Variants in HS6ST3 observed in about 807,000 individuals in gnomAD.
HS6ST3 encodes the protein heparan sulfate 6-O-sulfotransferase 3.
A neutral mutation model predicts 36.7 loss-of-function variants in HS6ST3; 12 were observed. That is an observed-to-expected ratio of 0.33 (90% CI 0.21 to 0.53). The LOEUF is 0.53. Among genes scored for constraint, HS6ST3 ranks in the 20% least tolerant of loss-of-function variants. The probability of loss-of-function intolerance (pLI) is 0.95; values close to 1 mark genes in which losing one functional copy is unlikely to be tolerated. For missense variants in HS6ST3, 584 were observed against 640.9 expected (o/e 0.91, Z 0.96); for synonymous variants, 240 against 257.5 (o/e 0.93, Z 0.65).
intron 1 of HS6ST3, among the ~76,000 whole-genome samples, chr13:96,795,727 A>G (rs1877894906): frequency 6.6e-6 from 1 of 152,112 alleles, no homozygotes; most frequent in Non-Finnish European, 1.5e-5. Flanking sequence ...AATCCTATCT[A>G]AAGTGATGGG....
At chr13:96,300,785 T>G (rs1021916098) in intron 1 of HS6ST3, among the ~76,000 whole-genome samples, 5 of 152,174 alleles carry the variant, frequency 3.3e-5, no homozygotes. Flanking sequence ...ATTAAAAAAT[T>G]GATAAAAATG....
chr13:96,328,386 A>C (rs1173735620), intron 1 of HS6ST3, among the ~76,000 whole-genome samples: 2 of 151,884 alleles, frequency 1.3e-5, no homozygotes, highest in African/African-American at 2.4e-5. Context: ...AGTTTTTAGC[A>C]TGAAGGGTTG....
At chr13:96,654,967 T>C (rs929167754) in intron 1 of HS6ST3, among the ~76,000 whole-genome samples, 2 of 152,070 alleles carry the variant, frequency 1.3e-5, no homozygotes, top group African/African-American at 4.8e-5. Flanking sequence ...ACAAGGGCAG[T>C]GCCAATTTTT....
intron 1 of HS6ST3, among the ~76,000 whole-genome samples, chr13:96,542,155 G>T (rs1343967568): frequency 6.6e-6 from 1 of 152,136 alleles, no homozygotes; most frequent in Admixed American, 6.6e-5. Flanking sequence ...AGAAAGAGAT[G>T]GTCCCTGGCT....
At chr13:96,570,300 T>C (rs1055296861) in intron 1 of HS6ST3, among the ~76,000 whole-genome samples, 1 of 152,216 alleles carries the variant, frequency 6.6e-6, no homozygotes, top group Non-Finnish European at 1.5e-5. Flanking sequence ...CTCATACCTC[T>C]TTGCCAACTT....
chr13:96,443,825 A>G (rs1166931387), intron 1 of HS6ST3, among the ~76,000 whole-genome samples: 1 of 152,168 alleles, frequency 6.6e-6, no homozygotes, highest in African/African-American at 2.4e-5. Flanking sequence ...ATTCATTTTC[A>G]GCTTTTGGAA....
At chr13:96,218,372 T>C (rs1566291508) in intron 1 of HS6ST3, among the ~76,000 whole-genome samples, 1 of 152,170 alleles carries the variant, frequency 6.6e-6, no homozygotes, top group Non-Finnish European at 1.5e-5. Flanking sequence ...AGCCCCTTGC[T>C]GTGGTCCTCA....
At chr13:96,118,273 A>C (rs538183094) in intron 1 of HS6ST3, among the ~76,000 whole-genome samples, 2 of 152,148 alleles carry the variant, frequency 1.3e-5, no homozygotes, top group African/African-American at 4.8e-5. Context: ...TGTCCTTATA[A>C]GAAGTAGAGA....
At chr13:96,415,787 A>T (rs773414252) in intron 1 of HS6ST3, among the ~76,000 whole-genome samples, 3 of 152,204 alleles carry the variant, frequency 2.0e-5, no homozygotes, top group Non-Finnish European at 4.4e-5. Flanking sequence ...CAAAGAACGT[A>T]TTTTATAGCC....
chr13:96,645,467 A>T (rs1276342444), intron 1 of HS6ST3, among the ~76,000 whole-genome samples: 1 of 151,090 alleles, frequency 6.6e-6, no homozygotes, highest in African/African-American at 2.4e-5. Flanking sequence ...TTTATCTAGT[A>T]TCTGTTCCAT....
intron 1 of HS6ST3, among the ~76,000 whole-genome samples, chr13:96,305,766 A>G (rs2054909169): frequency 6.6e-6 from 1 of 151,976 alleles, no homozygotes; most frequent in Non-Finnish European, 1.5e-5. Context: ...TTGGGCATAC[A>G]TAGTTGGTTC....
At chr13:96,160,333 G>T (rs1463690497) in intron 1 of HS6ST3, among the ~76,000 whole-genome samples, 1 of 152,114 alleles carries the variant, frequency 6.6e-6, no homozygotes, top group East Asian at 1.9e-4. Context: ...TGAGTGTGTG[G>T]GTGAATACTT....
intron 1 of HS6ST3, among the ~76,000 whole-genome samples, chr13:96,649,426 G>GTTTA (rs1404636506): frequency 6.6e-6 from 1 of 152,040 alleles, no homozygotes; most frequent in Non-Finnish European, 1.5e-5. Context: ...GACACATGGG[G>GTTTA]TTTATGGGAA....
At chr13:96,747,281 T>A (rs1380503519) in intron 1 of HS6ST3, among the ~76,000 whole-genome samples, 2 of 150,142 alleles carry the variant, frequency 1.3e-5, no homozygotes, top group Admixed American at 1.3e-4. Flanking sequence ...AAATGCAGCA[T>A]AAGGCTGAAA....
intron 1 of HS6ST3, among the ~76,000 whole-genome samples, chr13:96,465,342 A>G (rs2055806913): frequency 6.6e-6 from 1 of 152,186 alleles, no homozygotes; most frequent in Admixed American, 6.5e-5. Context: ...CCAAATGTCC[A>G]TTGATAGTAG....
chr13:96,662,516 GT>G (rs759100825), intron 1 of HS6ST3, among the ~76,000 whole-genome samples: 207 of 940 alleles, frequency 0.22, 1 homozygote, highest in Middle Eastern at 0.5. Context: ...TGTGTATGGG[GT>G]GTGTGTGTGT....
intron 1 of HS6ST3, among the ~76,000 whole-genome samples, chr13:96,261,992 A>C (rs1474937476): frequency 1.3e-5 from 2 of 152,184 alleles, no homozygotes; most frequent in Admixed American, 6.5e-5. Flanking sequence ...TAAGAACCCT[A>C]GAATCATCTT....
intron 1 of HS6ST3, among the ~76,000 whole-genome samples, chr13:96,359,231 A>G (rs1247389840): frequency 6.6e-6 from 1 of 152,148 alleles, no homozygotes; most frequent in African/African-American, 2.4e-5. Flanking sequence ...GATAATGTAA[A>G]TGAATATACT....
chr13:96,310,239 A>G (rs752281716), intron 1 of HS6ST3, among the ~76,000 whole-genome samples: 14 of 152,230 alleles, frequency 9.2e-5, no homozygotes, highest in South Asian at 4.1e-4. Flanking sequence ...TCACATATGC[A>G]TACACAGATA....
Sources: gnomAD v4.1 joint callset for allele counts (sites outside exome capture counted in the v4.1 genomes callset) on GRCh38, gnomAD v4.1.1 for gene constraint, MANE v1.5 for transcripts, NCBI Gene and HGNC (gene_info 2026-07-23, HGNC 2026-07-21) for gene names.